Variants in KIF26A observed in about 807,000 individuals in gnomAD.
KIF26A encodes the protein kinesin family member 26A.
A neutral mutation model predicts 126.0 loss-of-function variants in KIF26A; 74 were observed. The observed-to-expected ratio is 0.59, with a 90% CI of 0.49 to 0.71. The LOEUF is 0.71. Among genes scored for constraint, KIF26A ranks in the 30% least tolerant of loss-of-function variants. The pLI is 0.00. For missense variants in KIF26A, 2,984 were observed against 2,763.3 expected, an observed-to-expected ratio of 1.08 and a Z score of -1.79; for synonymous variants, 1,445 against 1,232.7, an observed-to-expected ratio of 1.17 and a Z score of -3.61.
intron 7 of KIF26A, 84 bp downstream of exon 7, chr14:104,172,752 TG>T: frequency 8.4e-7 from 1 of 1,195,862 alleles, no homozygotes; most frequent in East Asian, 2.5e-5. Flanking sequence ...CAGCTTCTGA[TG>T]GGAAAGGAGG....
In KIF26A at chr14:104,176,949, G is replaced by A. The variant is rs953713300; in HGVS notation, c.4161G>A (p.Pro1387=). Residue 1387 remains proline, a synonymous_variant, in exon 12 of 15, where the codon CCG becomes CCA. Coordinates refer to ENST00000423312, the MANE Select transcript of KIF26A (RefSeq NM_015656.2). ...PASAPPHAVN[P]ARVGAAAVLR... ...CGGCCCCTCCGCATGCTGTGAACCCGGCGCGGGTCGGGGCTGCTGCTGTCC... is the reference window on the plus strand; with the variant it reads ...CGGCCCCTCCGCATGCTGTGAACCCAGCGCGGGTCGGGGCTGCTGCTGTCC... 25 of 1,531,654 alleles carry A rather than the reference G, an allele frequency of 1.6e-5. No individual in the cohort carries two copies. Among genetic ancestry groups the A allele is most frequent in the South Asian group, 1.2e-5 (1 of 83,772 alleles). 94.9% of individuals were successfully genotyped at this position (1,531,654 alleles called of 1,614,324 possible). A position where few individuals can be genotyped will look rare whatever the true frequency, so the allele number is the denominator to read the frequency against.
intron 5 of KIF26A, among the ~76,000 whole-genome samples, chr14:104,170,434 C>G (rs1463442852): frequency 6.6e-6 from 1 of 152,224 alleles, no homozygotes; most frequent in African/African-American, 2.4e-5. Context: ...TGCCCCATGC[C>G]CAGGGGGAGT....
chr14:104,165,615 C>T (rs899629917), intron 4 of KIF26A, among the ~76,000 whole-genome samples: 1 of 135,170 alleles, frequency 7.4e-6, no homozygotes, highest in African/African-American at 3.3e-5. Flanking sequence ...GTGTCTCTGT[C>T]TCTGTATGCA....
At chr14:104,172,506 C>T (rs372748817) in intron 6 of KIF26A, 69 bp from the exon 7 acceptor site, 23 of 1,189,196 alleles carry the variant, frequency 1.9e-5, no homozygotes, top group Admixed American at 1.5e-4. Flanking sequence ...CAGGACAGAC[C>T]GGCCTCAGGC....
intron 2 of KIF26A, among the ~76,000 whole-genome samples, chr14:104,150,146 CCCTCCTCCT>C (rs1227743473): frequency 8.4e-6 from 1 of 119,304 alleles, no homozygotes; most frequent in African/African-American, 3.0e-5. Flanking sequence ...GTCCCCCTCC[CCCTCCTCCT>C]CCTCCCCCTT....
At chr14:104,163,661 C>T (rs893753222) in intron 4 of KIF26A, among the ~76,000 whole-genome samples, 5 of 151,720 alleles carry the variant, frequency 3.3e-5, no homozygotes, top group Admixed American at 6.6e-5. Flanking sequence ...ACCAGAGGGT[C>T]ACGAACCTGG....
At chr14:104,179,431 C>A in intron 14 of KIF26A, 45 bp downstream of exon 14, 1 of 1,458,366 alleles carries the variant, frequency 6.9e-7, no homozygotes, top group Non-Finnish European at 9.0e-7. Flanking sequence ...CACCGTGTGC[C>A]CTGACAGCTG....
chr14:104,141,239 G>A (rs1407697054), intron 2 of KIF26A, among the ~76,000 whole-genome samples: 3 of 152,228 alleles, frequency 2.0e-5, no homozygotes. Context: ...CCGGAGTCTG[G>A]TGCACTGTCC....
chr14:104,141,720 C>G (rs912589143), intron 2 of KIF26A, among the ~76,000 whole-genome samples: 4 of 151,660 alleles, frequency 2.6e-5, no homozygotes, highest in African/African-American at 9.7e-5. Flanking sequence ...GAGGGTCGGG[C>G]CCAGCCTGCC....
At chr14:104,178,271 A>G (rs1391205649) in intron 12 of KIF26A, among the ~76,000 whole-genome samples, 1 of 152,112 alleles carries the variant, frequency 6.6e-6, no homozygotes, top group African/African-American at 2.4e-5. Flanking sequence ...AGCTGCCTGG[A>G]AGGCCCCCGC....
intron 11 of KIF26A, among the ~76,000 whole-genome samples, chr14:104,174,675 G>A (rs1663878786): frequency 6.6e-6 from 1 of 152,172 alleles, no homozygotes; most frequent in African/African-American, 2.4e-5. Flanking sequence ...GGGCACTCTG[G>A]GGTTACACGG....
At chr14:104,147,981 C>T (rs2037694903) in intron 2 of KIF26A, among the ~76,000 whole-genome samples, 1 of 152,146 alleles carries the variant, frequency 6.6e-6, no homozygotes, top group Admixed American at 6.5e-5. Context: ...GGTCTGATGG[C>T]GTGGCGTCTC....
At chr14:104,171,326 C>G (rs911281800) in intron 5 of KIF26A, among the ~76,000 whole-genome samples, 1 of 152,218 alleles carries the variant, frequency 6.6e-6, no homozygotes, top group Non-Finnish European at 1.5e-5. Context: ...TCCCCCTCAG[C>G]CTGGGGAGCA....
intron 4 of KIF26A, among the ~76,000 whole-genome samples, chr14:104,164,941 G>A (rs560112030): frequency 9.9e-5 from 15 of 151,530 alleles, no homozygotes; most frequent in East Asian, 3.9e-4. Flanking sequence ...ATGTCTCTCC[G>A]TGTTTCTGTA....
chr14:104,150,908 G>T (rs115113063), intron 2 of KIF26A, among the ~76,000 whole-genome samples: 1 of 152,098 alleles, frequency 6.6e-6, no homozygotes, highest in African/African-American at 2.4e-5. Flanking sequence ...CCCGGGCTGG[G>T]TGCCCTATAG....
chr14:104,147,766 A>C (rs2037692544), intron 2 of KIF26A, among the ~76,000 whole-genome samples: 1 of 152,122 alleles, frequency 6.6e-6, no homozygotes, highest in Admixed American at 6.5e-5. Context: ...TTTGTTTGGG[A>C]AGGAAAGGGA....
At position 104,172,553 on chromosome 14, in the gene KIF26A, C is replaced by T. The variant is rs768190075; in HGVS notation, c.1327-22C>T. ...GCAGAAGGAAGGGGCCACAGCCCTGCCTGATTCTCTTGCCCCCCTAGGCCG... is the reference window on the plus strand; with the variant it reads ...GCAGAAGGAAGGGGCCACAGCCCTGTCTGATTCTCTTGCCCCCCTAGGCCG... On this transcript the variant is annotated intron_variant, in intron 6 of 14. Coordinates refer to ENST00000423312, the MANE Select transcript of KIF26A (RefSeq NM_015656.2). 3.8e-6 allele frequency: 6 copies of T among 1,595,084 alleles called. No individual in the cohort carries two copies. In the Middle Eastern group the frequency reaches 5.0e-4, roughly 133 times the overall value.
chr14:104,175,764 G>A lies in KIF26A; in HGVS notation c.2976G>A (p.Pro992=), dbSNP rs61740606. 3.2e-6 allele frequency: 5 copies of A among 1,538,492 alleles called. No homozygotes were observed. The highest frequency in any genetic ancestry group is 2.4e-5 in the East Asian group (1 of 40,904). The stretch of plus-strand genomic sequence containing the variant: ...TGAGTGGGCAGGTGGCTGGGTCCCC[G>A]ATGCTTCCTGGGGCCACCTGCCCCC... ...VGMSGQVAGS[P]MLPGATCPRL... is the part of the protein sequence containing the mutation. Residue 992 remains proline (P), a synonymous_variant, in exon 12 of 15, where the codon CCG becomes CCA. Coordinates refer to ENST00000423312, the MANE Select transcript of KIF26A (RefSeq NM_015656.2).
At chr14:104,169,546 A>T (rs1429790920) in intron 5 of KIF26A, among the ~76,000 whole-genome samples, 1 of 151,646 alleles carries the variant, frequency 6.6e-6, no homozygotes, top group Admixed American at 6.6e-5. Flanking sequence ...CACCCTGCAC[A>T]CCCCCCAGCT....
Sources: allele counts gnomAD v4.1 joint callset (sites outside exome capture counted in the v4.1 genomes callset), GRCh38; gene constraint gnomAD v4.1.1; transcripts MANE v1.5; gene names NCBI Gene and HGNC (gene_info 2026-07-23, HGNC 2026-07-21).